Variants in ANK2 observed in about 807,000 individuals in gnomAD.
ANK2 encodes ankyrin-2.
A neutral mutation model predicts 360.5 loss-of-function variants in ANK2; 83 were observed. The ratio of observed to expected loss-of-function variants is 0.23; its 90% CI spans 0.19 to 0.28. The LOEUF is 0.28. Ranked by LOEUF, ANK2 falls within the 10% of genes least tolerant of loss-of-function variation. The probability of loss-of-function intolerance (pLI) is 1.00; values close to 1 mark genes in which losing one functional copy is unlikely to be tolerated. For synonymous variants in ANK2, 1,740 were observed against 1,759.5 expected (o/e 0.99, Z 0.28); for missense variants, 4,201 against 4,795.7 (o/e 0.88, Z 3.66).
intron 45 of ANK2, among the ~76,000 whole-genome samples, chr4:113,377,180 T>A (rs901666699): frequency 6.6e-6 from 1 of 152,146 alleles, no homozygotes; most frequent in Admixed American, 6.6e-5. Flanking sequence ...AGTAACATAG[T>A]CATTTATTAT....
intron 1 of ANK2, among the ~76,000 whole-genome samples, chr4:113,092,867 A>G (rs1189285333): frequency 1.3e-5 from 2 of 152,192 alleles, no homozygotes; most frequent in Admixed American, 1.3e-4. Flanking sequence ...GACAAGTGGA[A>G]TTAGAAATTT....
chr4:113,376,503 A>G (rs1349254519), intron 45 of ANK2, among the ~76,000 whole-genome samples: 2 of 152,224 alleles, frequency 1.3e-5, no homozygotes, highest in Non-Finnish European at 2.9e-5. Flanking sequence ...ACGTTATTAT[A>G]CACTACAGTA....
intron 2 of ANK2, among the ~76,000 whole-genome samples, chr4:112,939,285 AATAGTT>A (rs2094005497): frequency 6.6e-6 from 1 of 152,084 alleles, no homozygotes; most frequent in Admixed American, 6.6e-5. Flanking sequence ...AGTATCAGGG[AATAGTT>A]CATTCTTTCT....
intron 1 of ANK2, among the ~76,000 whole-genome samples, chr4:113,123,934 A>T (rs551065709): frequency 6.6e-6 from 1 of 152,318 alleles, no homozygotes; most frequent in African/African-American, 2.4e-5. Context: ...TAATAAGACT[A>T]ATTGGTTTAT....
intron 42 of ANK2, 118 bp from the exon 43 acceptor site, chr4:113,369,396 T>G: frequency 1.9e-6 from 2 of 1,070,070 alleles, no homozygotes; most frequent in Non-Finnish European, 2.8e-6. Context: ...GTACAAAAAC[T>G]ATTTTGACTG....
chr4:113,314,752 A>G (rs2153829095), intron 24 of ANK2, among the ~76,000 whole-genome samples: 1 of 152,336 alleles, frequency 6.6e-6, no homozygotes, highest in Non-Finnish European at 1.5e-5. Context: ...TAGAGCGAAT[A>G]ACTTCTCTGG....
At chr4:113,284,699 G>C (rs2063708586) in intron 18 of ANK2, among the ~76,000 whole-genome samples, 1 of 152,032 alleles carries the variant, frequency 6.6e-6, no homozygotes, top group Admixed American at 6.6e-5. Flanking sequence ...ACATGTGAGT[G>C]GTGTCCTAAA....
chr4:113,172,490 A>G (rs574296269), intron 1 of ANK2, among the ~76,000 whole-genome samples: 1 of 152,290 alleles, frequency 6.6e-6, no homozygotes, highest in East Asian at 1.9e-4. Context: ...CTCTTTCCTC[A>G]TCTATTAAAT....
At chr4:112,971,418 T>C (rs2039476656) in intron 2 of ANK2, among the ~76,000 whole-genome samples, 1 of 152,242 alleles carries the variant, frequency 6.6e-6, no homozygotes, top group South Asian at 2.1e-4. Context: ...CTCATTTGCC[T>C]ATTTCCGAGA....
the ANK2 span, among the ~76,000 whole-genome samples, chr4:112,732,858 G>T: frequency 6.6e-6 from 1 of 151,762 alleles, no homozygotes; most frequent in African/African-American, 2.4e-5. Flanking sequence ...GAGGCGGGGG[G>T]ATCACAAGGT....
chr4:113,043,046 G>A (rs1022176065), intron 2 of ANK2, among the ~76,000 whole-genome samples: 8 of 152,096 alleles, frequency 5.3e-5, no homozygotes, highest in Non-Finnish European at 1.0e-4. Context: ...CTAGCATGGG[G>A]TCCAGCATAT....
intron 32 of ANK2, 84 bp from the exon 33 acceptor site, chr4:113,341,604 C>A (rs2094309377): frequency 7.0e-7 from 1 of 1,420,810 alleles, no homozygotes. Context: ...TTGTTGACTA[C>A]TTTGATCATA....
intron 1 of ANK2, among the ~76,000 whole-genome samples, chr4:113,143,172 G>T (rs1026384054): frequency 7.6e-6 from 1 of 130,840 alleles, no homozygotes; most frequent in African/African-American, 2.9e-5. Flanking sequence ...GGTATATCTT[G>T]TAAAGAGCGA....
chr4:112,729,484 G>A, the ANK2 span, among the ~76,000 whole-genome samples: 4 of 152,204 alleles, frequency 2.6e-5, no homozygotes, highest in East Asian at 1.9e-4. Flanking sequence ...GGCCGGACAC[G>A]ATAGCTAAGG....
upstream of ANK2, among the ~76,000 whole-genome samples, chr4:113,045,809 T>C (rs1579912536): frequency 6.6e-6 from 1 of 152,304 alleles, no homozygotes. Flanking sequence ...TATATAGCTC[T>C]TAGATATCAG....
intron 1 of ANK2, among the ~76,000 whole-genome samples, chr4:113,096,420 C>A (rs561906358): frequency 9.9e-5 from 15 of 152,172 alleles, no homozygotes; most frequent in Middle Eastern, 3.4e-3. Context: ...GCTCAGGAAT[C>A]CAGGGTCCTT....
chr4:113,305,609 G>A (rs2076942188), intron 23 of ANK2, among the ~76,000 whole-genome samples: 1 of 152,144 alleles, frequency 6.6e-6, no homozygotes, highest in Non-Finnish European at 1.5e-5. Context: ...GGATCTATTT[G>A]AGTATTGATA....
At chr4:113,374,661 T>C (rs1371317293) in intron 45 of ANK2, 7 of 750,114 alleles carry the variant, frequency 9.3e-6, no homozygotes, top group Non-Finnish European at 1.2e-5. Flanking sequence ...AAAGCCAGTA[T>C]GTAACTTTAT....
intron 1 of ANK2, among the ~76,000 whole-genome samples, chr4:112,861,767 A>G (rs1330302226): frequency 6.6e-6 from 1 of 152,040 alleles, no homozygotes; most frequent in African/African-American, 2.4e-5. Context: ...GTTTTATAAT[A>G]AATATGAATT....
Sources: gnomAD v4.1 joint callset for allele counts (sites outside exome capture counted in the v4.1 genomes callset) on GRCh38, gnomAD v4.1.1 for gene constraint, MANE v1.5 for transcripts, NCBI Gene and HGNC (gene_info 2026-07-23, HGNC 2026-07-21) for gene names.